Variants in FAT1 observed in about 807,000 individuals in gnomAD.
The protein encoded by FAT1 is protocadherin Fat 1.
FAT1 carries 171 observed loss-of-function variants against 329.8 expected under a neutral mutation model. The ratio of observed to expected loss-of-function variants is 0.52; its 90% CI spans 0.46 to 0.59. FAT1 has a LOEUF of 0.59. Among genes scored for constraint, FAT1 ranks in the 20% least tolerant of loss-of-function variants. The pLI, the probability that FAT1 is intolerant of heterozygous loss-of-function variation, is 0.00. For synonymous variants in FAT1, 2,233 were observed against 2,228.6 expected (o/e 1.00, Z -0.06); for missense variants, 5,672 against 5,774.4 (o/e 0.98, Z 0.57).
intron 2 of FAT1, among the ~76,000 whole-genome samples, chr4:186,682,233 G>A (rs1353238619): frequency 2.0e-5 from 3 of 152,132 alleles, no homozygotes; most frequent in Non-Finnish European, 4.4e-5. Context: ...ATTGCTAAAA[G>A]TTGTAAATGT....
At chr4:186,677,117 C>T (rs1742997532) in intron 2 of FAT1, among the ~76,000 whole-genome samples, 1 of 152,110 alleles carries the variant, frequency 6.6e-6, no homozygotes, top group Non-Finnish European at 1.5e-5. Flanking sequence ...ATTTCAATTA[C>T]AAAGCAGTTC....
At chr4:186,644,876 GT>G (rs1293465971) in intron 3 of FAT1, among the ~76,000 whole-genome samples, 1 of 152,212 alleles carries the variant, frequency 6.6e-6, no homozygotes, top group African/African-American at 2.4e-5. Context: ...AGTCAACTGT[GT>G]TGTACTGTCC....
chr4:186,607,499 A>C (rs1739207030), intron 16 of FAT1, among the ~76,000 whole-genome samples: 1 of 151,536 alleles, frequency 6.6e-6, no homozygotes, highest in African/African-American at 2.4e-5. Context: ...AACCACATAG[A>C]TGGGTAGATG....
chr4:186,664,851 C>T (rs1742355557), intron 2 of FAT1, among the ~76,000 whole-genome samples: 4 of 152,100 alleles, frequency 2.6e-5, no homozygotes, highest in South Asian at 2.1e-4. Context: ...TGAAGTTTCC[C>T]GTTAAACGCA....
rs2126435216 is a variant in FAT1, at chr4:186,603,912, C to T, written c.10614G>A (p.Glu3538=). ...LTYIDIRVIE[E]SIYPPAILPL... ...GCAAAATCGCAGGCGGATAGATGCT[C>T]TCCTCAATTACCCTAATGTCAATGT... is the stretch of plus-strand genomic sequence containing the variant. The change falls in exon 19 of 27, where the codon GAG becomes GAA. Residue 3538 remains glutamate, a synonymous_variant. Transcript: ENST00000441802. The T allele has an allele frequency of 1.2e-6, 2 of 1,613,880 alleles. No individual in the cohort carries two copies. The highest frequency in any genetic ancestry group is 1.7e-6 in the Non-Finnish European group (2 of 1,179,798).
chr4:186,683,330 G>C (rs998176365), intron 2 of FAT1, among the ~76,000 whole-genome samples: 4 of 151,896 alleles, frequency 2.6e-5, no homozygotes, highest in Admixed American at 6.6e-5. Context: ...CTCCAAGAAG[G>C]GCACAGCACC....
chr4:186,636,295 G>A (rs909488845), intron 5 of FAT1, 60 bp from the exon 6 acceptor site: 7 of 1,473,594 alleles, frequency 4.8e-6, no homozygotes, highest in Non-Finnish European at 1.9e-6. Flanking sequence ...ACCCAGAAAT[G>A]AATGAAGCAC....
chr4:186,649,658 C>T (rs1741543372), intron 3 of FAT1, among the ~76,000 whole-genome samples: 1 of 152,086 alleles, frequency 6.6e-6, no homozygotes, highest in African/African-American at 2.4e-5. Context: ...GAGGATAGGT[C>T]CTTCCTTAGC....
At chr4:186,607,472 T>TGGGG (rs1739205632) in intron 16 of FAT1, among the ~76,000 whole-genome samples, 2 of 27,168 alleles carry the variant, frequency 7.4e-5, no homozygotes, top group African/African-American at 6.8e-4. Flanking sequence ...GGTGGGTGGG[T>TGGGG]GGGTGAGCAA....
intron 3 of FAT1, among the ~76,000 whole-genome samples, chr4:186,643,143 C>T (rs1359879225): frequency 6.6e-6 from 1 of 152,126 alleles, no homozygotes; most frequent in African/African-American, 2.4e-5. Context: ...TTCTCAATCA[C>T]ACTAAGCCAA....
Position 186,604,539 on chromosome 4 carries a change from C to G in FAT1, c.10386G>C (p.Leu3462=), listed in dbSNP as rs2126439957. The G allele has an allele frequency of 6.2e-7, 1 of 1,612,864 alleles. No homozygotes were observed. Among genetic ancestry groups the G allele is most frequent in the Non-Finnish European group, 8.5e-7 (1 of 1,179,430 alleles). The part of the protein sequence containing the change: ...NKPVGFSVLQ[L]VVTDEDSSHN... ...GGGAAGAATCCTCATCTGTTACTAC[C>G]AGCTGCAGCACGCTGAAGCCCACTG... Residue 3462 remains leucine, a synonymous_variant, in exon 18 of 27, where the codon CTG becomes CTC. Transcript: ENST00000441802.
At position 186,589,065 on chromosome 4, in the gene FAT1, C is replaced by T. The variant is rs1276553545; in HGVS notation, c.13294G>A (p.Glu4432Lys). 19 of 1,613,692 alleles carry T rather than the reference C, an allele frequency of 1.2e-5. No homozygotes were observed. The highest frequency in any genetic ancestry group is 3.3e-5 in the South Asian group (3 of 91,080). Residue 4432 changes from glutamate (E) to lysine (K), a missense_variant, in exon 27 of 27, where the codon GAA (glutamate) becomes AAA (lysine). Physicochemically the swap from Glu to Lys is moderately conservative, Grantham distance 56. Transcript: ENST00000441802. ...TCTGGGGGTGGAGGAAAATCACTTT[C>T]GATGTCGTAGCCTCCAGGGTAATAG... ...TDYYPGGYDIESDFPPPPEDF... is the reference protein window; with the variant it reads ...TDYYPGGYDIKSDFPPPPEDF...
intron 2 of FAT1, among the ~76,000 whole-genome samples, chr4:186,680,691 T>C (rs1743169800): frequency 2.0e-5 from 3 of 152,180 alleles, no homozygotes; most frequent in Non-Finnish European, 4.4e-5. Context: ...GATCATCTAG[T>C]GCAACCCTCT....
intron 2 of FAT1, among the ~76,000 whole-genome samples, chr4:186,665,263 T>A (rs180765224): frequency 6.6e-6 from 1 of 152,334 alleles, no homozygotes; most frequent in Admixed American, 6.5e-5. Context: ...CCCTGAGGAA[T>A]CGCCACACTG....
chr4:186,596,964 T>C lies in FAT1; in HGVS notation c.12576A>G (p.Ile4192Met). ...GAACAAACACCACCACCAGTAAAAATATCCCTGCAACAAACACAACGATTC... is the reference window on the plus strand; with the variant it reads ...GAACAAACACCACCACCAGTAAAAACATCCCTGCAACAAACACAACGATTC... ...GIGIVVFVAG[I>M]FLLVVVFVLC... Residue 4192 changes from isoleucine (I) to methionine (M), a missense_variant, in exon 25 of 27, where the codon ATA (isoleucine) becomes ATG (methionine). Ile to Met is a conservative substitution (Grantham distance 10). This residue lies in a region of FAT1 where 1,706 missense variants were observed against 1,859.1 expected (regional missense o/e 0.92). Coordinates refer to ENST00000441802, the MANE Select transcript of FAT1 (RefSeq NM_005245.4). This position sits in a 1 kb window ranked among gnomAD's most constrained non-coding sequence, Gnocchi z 4.7. The C allele has an allele frequency of 1.2e-6, 2 of 1,613,934 alleles. No individual in the cohort carries two copies. Among genetic ancestry groups the C allele is most frequent in the Non-Finnish European group, 1.7e-6 (2 of 1,179,884 alleles).
At chr4:186,694,321 C>T (rs764002652) in intron 2 of FAT1, among the ~76,000 whole-genome samples, 24 of 152,320 alleles carry the variant, frequency 1.6e-4, no homozygotes, top group East Asian at 3.9e-4. Context: ...ACTTCCACAA[C>T]GGTTTCCTTT....
intron 2 of FAT1, among the ~76,000 whole-genome samples, chr4:186,671,950 AAGATTCTAAAATGGCTATTC>A (rs1293189776): frequency 6.6e-6 from 1 of 152,132 alleles, no homozygotes; most frequent in Admixed American, 6.5e-5. Context: ...GAAGGCATTT[AAGATTCTAAAATGGCTATTC>A]AGTCTACTTT....
intron 1 of FAT1, among the ~76,000 whole-genome samples, chr4:186,711,352 G>A (rs765546367): frequency 6.6e-6 from 1 of 152,120 alleles, no homozygotes; most frequent in Non-Finnish European, 1.5e-5. Flanking sequence ...AAATTAGACA[G>A]ATTTTTGGCT....
intron 3 of FAT1, among the ~76,000 whole-genome samples, chr4:186,655,715 G>A (rs1741870911): frequency 1.3e-5 from 2 of 152,096 alleles, no homozygotes; most frequent in Non-Finnish European, 2.9e-5. Flanking sequence ...TTACAGGCAC[G>A]AGCCACCACA....
Sources: allele counts gnomAD v4.1 joint callset (sites outside exome capture counted in the v4.1 genomes callset), GRCh38; gene constraint gnomAD v4.1.1; regional missense constraint gnomAD v4.1.1; non-coding constraint Gnocchi (gnomAD v3.1); transcripts MANE v1.5; gene names NCBI Gene and HGNC (gene_info 2026-07-23, HGNC 2026-07-21).